FHIT: variants seen among roughly 807,000 people sequenced by gnomAD.
FHIT encodes fragile histidine triad diadenosine triphosphatase, also known as bis(5'-adenosyl)-triphosphatase.
A neutral mutation model predicts 17.9 loss-of-function variants in FHIT; 19 were observed. That is an observed-to-expected ratio of 1.06 (90% CI 0.74 to 1.56). The LOEUF is 1.56. Among genes scored for constraint, FHIT ranks in the 40% most tolerant of loss-of-function variants. The pLI is 0.00. For synonymous variants in FHIT, 81 were observed against 69.7 expected, an observed-to-expected ratio of 1.16 and a Z score of -0.81; for missense variants, 248 against 189.2, an observed-to-expected ratio of 1.31 and a Z score of -1.82.
chr3:60,710,251 T>C (rs948661579), intron 4 of FHIT, among the ~76,000 whole-genome samples: 7 of 152,192 alleles, frequency 4.6e-5, no homozygotes, highest in South Asian at 4.1e-4. Context: ...TGATTCATGC[T>C]ATGGTGCCAG....
intron 2 of FHIT, among the ~76,000 whole-genome samples, chr3:61,126,407 G>A (rs180768439): frequency 2.6e-5 from 4 of 152,268 alleles, no homozygotes; most frequent in Non-Finnish European, 5.9e-5. Context: ...GTTCCACATG[G>A]TTGGGGAGGC....
chr3:60,493,521 C>T (rs2034155382), intron 5 of FHIT, among the ~76,000 whole-genome samples: 1 of 152,146 alleles, frequency 6.6e-6, no homozygotes, highest in Admixed American at 6.5e-5. Context: ...ATATAAGCTG[C>T]AATGTCAATT....
At chr3:60,934,791 A>C (rs1391452250) in intron 3 of FHIT, among the ~76,000 whole-genome samples, 5 of 152,178 alleles carry the variant, frequency 3.3e-5, no homozygotes, top group Non-Finnish European at 7.3e-5. Context: ...GAAGTGGGAA[A>C]GGGGAAAGAA....
intron 3 of FHIT, among the ~76,000 whole-genome samples, chr3:60,992,342 AC>A (rs1274742373): frequency 6.6e-6 from 1 of 152,226 alleles, no homozygotes. Context: ...ATATCATCAA[AC>A]CATATACTTA....
intron 2 of FHIT, among the ~76,000 whole-genome samples, chr3:61,155,421 C>G (rs1020189314): frequency 6.6e-6 from 1 of 152,018 alleles, no homozygotes; most frequent in African/African-American, 2.4e-5. Context: ...AAACTCTAGC[C>G]CTCTCCATGC....
chr3:60,393,834 G>C (rs1701329707), intron 5 of FHIT, among the ~76,000 whole-genome samples: 1 of 152,124 alleles, frequency 6.6e-6, no homozygotes, highest in African/African-American at 2.4e-5. Context: ...CCTATGCCAG[G>C]CTTGGATTCT....
At chr3:60,626,820 G>A (rs1553681136) in intron 4 of FHIT, among the ~76,000 whole-genome samples, 1 of 129,912 alleles carries the variant, frequency 7.7e-6, no homozygotes, top group African/African-American at 2.9e-5. Context: ...AGTATGATAT[G>A]AGCTGTGAAT....
chr3:60,016,337 T>C (rs994329689), intron 5 of FHIT, among the ~76,000 whole-genome samples: 1 of 152,218 alleles, frequency 6.6e-6, no homozygotes, highest in Admixed American at 6.5e-5. Flanking sequence ...AGTTATAATT[T>C]AGGTTGTATA....
intron 1 of FHIT, among the ~76,000 whole-genome samples, chr3:61,226,881 T>C (rs1231336557): frequency 6.6e-6 from 1 of 152,056 alleles, no homozygotes; most frequent in African/African-American, 2.4e-5. Context: ...CTGAAATGGG[T>C]AGAATGCTGA....
chr3:60,023,942 A>G (rs1700644435), intron 5 of FHIT, among the ~76,000 whole-genome samples: 1 of 152,154 alleles, frequency 6.6e-6, no homozygotes, highest in Admixed American at 6.5e-5. Context: ...GAACCAGTCC[A>G]GACTCAACTT....
chr3:60,761,550 A>T (rs1465507952), intron 4 of FHIT, among the ~76,000 whole-genome samples: 3 of 152,154 alleles, frequency 2.0e-5, no homozygotes, highest in African/African-American at 7.2e-5. Context: ...TGATTTGAAA[A>T]AAGAACAAAA....
chr3:60,880,096 C>G (rs945067525), intron 3 of FHIT, among the ~76,000 whole-genome samples: 1 of 152,016 alleles, frequency 6.6e-6, no homozygotes, highest in Admixed American at 6.6e-5. Context: ...TTGTCAAAGT[C>G]AAAGACAAAG....
intron 5 of FHIT, among the ~76,000 whole-genome samples, chr3:60,205,619 T>C (rs1365015887): frequency 6.6e-6 from 1 of 152,050 alleles, no homozygotes; most frequent in Non-Finnish European, 1.5e-5. Flanking sequence ...GGATAGAGCA[T>C]GGTGGATGAG....
chr3:60,668,769 G>A (rs2040441858), intron 4 of FHIT, among the ~76,000 whole-genome samples: 1 of 151,950 alleles, frequency 6.6e-6, no homozygotes, highest in African/African-American at 2.4e-5. Context: ...GTTCCACCGT[G>A]TTAGCCAGGA....
intron 5 of FHIT, among the ~76,000 whole-genome samples, chr3:60,397,507 T>C (rs1443975096): frequency 1.3e-5 from 2 of 152,166 alleles, no homozygotes; most frequent in Admixed American, 6.5e-5. Context: ...GCTCATTCAC[T>C]GACTATAGGA....
chr3:60,404,171 T>C (rs764579520), intron 5 of FHIT, among the ~76,000 whole-genome samples: 1 of 149,064 alleles, frequency 6.7e-6, no homozygotes, highest in Non-Finnish European at 1.5e-5. Flanking sequence ...AAATCCCTAC[T>C]TTTTTTGCGT....
chr3:60,828,705 C>G (rs1702210830), intron 3 of FHIT, among the ~76,000 whole-genome samples: 1 of 151,936 alleles, frequency 6.6e-6, no homozygotes, highest in Non-Finnish European at 1.5e-5. Flanking sequence ...TGGCAAAAAC[C>G]CATCTCTACT....
chr3:59,763,142 A>C (rs1701613001), intron 8 of FHIT, among the ~76,000 whole-genome samples: 1 of 152,218 alleles, frequency 6.6e-6, no homozygotes, highest in Non-Finnish European at 1.5e-5. Flanking sequence ...GAATGGGAAG[A>C]GGCATAGGGC....
chr3:60,294,432 T>C (rs376400879), intron 5 of FHIT, among the ~76,000 whole-genome samples: 2 of 152,250 alleles, frequency 1.3e-5, no homozygotes, highest in East Asian at 1.9e-4. Flanking sequence ...AGGTCACAAG[T>C]TAGCTGGCAG....
Sources: allele counts gnomAD v4.1 joint callset (sites outside exome capture counted in the v4.1 genomes callset), GRCh38; gene constraint gnomAD v4.1.1; transcripts MANE v1.5; gene names NCBI Gene and HGNC (gene_info 2026-07-23, HGNC 2026-07-21).